Variants in CLEC2L observed in about 807,000 individuals in gnomAD.
CLEC2L encodes the protein C-type lectin domain family 2 member L, also known as C-type lectin domain family 2, member L.
In CLEC2L, 14 loss-of-function variants were observed where a neutral mutation model predicts 23.6. The ratio of observed to expected loss-of-function variants is 0.59; its 90% CI spans 0.39 to 0.93. The LOEUF (loss-of-function observed/expected upper bound fraction) is 0.93, where lower values mean the gene tolerates loss of function less well. Among genes scored for constraint, CLEC2L ranks in the 40% least tolerant of loss-of-function variants. The pLI, the probability that CLEC2L is intolerant of heterozygous loss-of-function variation, is 0.00. For missense variants in CLEC2L, 264 were observed against 282.4 expected, an observed-to-expected ratio of 0.93 and a Z score of 0.47; for synonymous variants, 114 against 121.3, an observed-to-expected ratio of 0.94 and a Z score of 0.40.
chr7:139,539,514 A>T lies in CLEC2L; in HGVS notation c.266-807A>T, dbSNP rs1797704883. The T allele has an allele frequency of 6.6e-6, 1 of 152,200 alleles. No individual in the cohort carries two copies. Among genetic ancestry groups the T allele is most frequent in the East Asian group, 1.9e-4 (1 of 5,194 alleles). 9.4% of individuals were successfully genotyped at this position (152,200 alleles called of 1,614,324 possible). A position where few individuals can be genotyped will look rare whatever the true frequency, so the allele number is the denominator to read the frequency against. On this transcript the variant is annotated intron_variant, in intron 2 of 4. Coordinates refer to ENST00000422142, the MANE Select transcript of CLEC2L (RefSeq NM_001080511.4). The surrounding 1 kb of genome is among the most constrained non-coding windows in gnomAD (Gnocchi z 4.1). ...ATCTGTTCGTGGAAGCAGTCTGCAG[A>T]CTGGAGATCCCATGACGACTGGAAG...
intron 4 of CLEC2L, among the ~76,000 whole-genome samples, chr7:139,543,668 A>G (rs986286321): frequency 1.3e-5 from 2 of 152,196 alleles, no homozygotes; most frequent in African/African-American, 4.8e-5. Context: ...CAGTTAGCCC[A>G]TATTGGGGTC....
At position 139,524,050 on chromosome 7, in the gene CLEC2L, C is replaced by G. The variant is rs1797469815; in HGVS notation, c.123C>G (p.Pro41=). 4.9e-6 allele frequency: 6 copies of G among 1,214,418 alleles called. No individual in the cohort carries two copies. The highest frequency in any genetic ancestry group is 3.3e-5 in the East Asian group (1 of 30,542). The allele number at this position is 1,214,418 out of a possible 1,614,324, so 75.2% of individuals were successfully genotyped here. A position where few individuals can be genotyped will look rare whatever the true frequency, so the allele number is the denominator to read the frequency against. Residue 41 remains proline (P), a synonymous_variant, in exon 1 of 5, where the codon CCC becomes CCG. Coordinates refer to ENST00000422142, the MANE Select transcript of CLEC2L (RefSeq NM_001080511.4). The part of the protein sequence containing the change: ...RSPAEAEARG[P]EGLLRRSGSG... The stretch of plus-strand genomic sequence containing the variant: ...CCGCAGAGGCTGAGGCCCGCGGCCC[C>G]GAGGGGCTGCTGCGGCGATCCGGGT...
Position 139,542,017 on chromosome 7 carries a change from G to A in CLEC2L, c.433-4G>A. On this transcript the variant is annotated splice_region_variant and splice_polypyrimidine_tract_variant and intron_variant, in intron 3 of 4. Transcript: ENST00000422142. The stretch of plus-strand genomic sequence containing the variant: ...CCTGAGGTGTCCCTTTTTCCTCGGT[G>A]CAGGAATTTATGTTCAAGTTCACGC... 6.2e-7 allele frequency: 1 copy of A among 1,606,532 alleles called. No homozygotes were observed. The highest frequency in any genetic ancestry group is 8.5e-7 in the Non-Finnish European group (1 of 1,175,886).
In CLEC2L at chr7:139,539,390, A is replaced by G. The variant is rs1797703462; in HGVS notation, c.266-931A>G. 6.6e-6 allele frequency: 1 copy of G among 152,202 alleles called. No individual in the cohort carries two copies. The highest frequency in any genetic ancestry group is 6.5e-5 in the Admixed American group (1 of 15,276). The allele number at this position is 152,202 out of a possible 1,614,324, so 9.4% of individuals were successfully genotyped here. On this transcript the variant is annotated intron_variant, in intron 2 of 4. Transcript: ENST00000422142. This position sits in a 1 kb window ranked among gnomAD's most constrained non-coding sequence, Gnocchi z 4.1. ...TGGCTTAGAATCAGATCATATGAAA[A>G]CAATCTAAGATTGTGGATTAATTCC...
chr7:139,534,598 A>G (rs961754153), intron 1 of CLEC2L: 3 of 707,350 alleles, frequency 4.2e-6, no homozygotes, highest in Non-Finnish European at 7.7e-6. Flanking sequence ...GGCTTGGAAC[A>G]CAGGTGAGTA....
Position 139,540,868 on chromosome 7 carries a change from A to C in CLEC2L, c.432+381A>C, listed in dbSNP as rs1797723769. Among the ~76,000 whole-genome samples the C allele has an allele frequency of 6.6e-6, 1 of 152,170 alleles. No homozygotes were observed. The highest frequency in any genetic ancestry group is 2.4e-5 in the African/African-American group (1 of 41,444). On this transcript the variant is annotated intron_variant, in intron 3 of 4. Coordinates refer to ENST00000422142, the MANE Select transcript of CLEC2L (RefSeq NM_001080511.4). This position sits in a 1 kb window ranked among gnomAD's most constrained non-coding sequence, Gnocchi z 5.8. The stretch of plus-strand genomic sequence containing the variant: ...CAGGAGTTGGGGGCTAGTCTGGGCA[A>C]CATAGTGAGACCCTAGCTCTACAAA...
In CLEC2L at chr7:139,544,378, C is replaced by A; in HGVS notation, c.*36C>A. The A allele has an allele frequency of 6.9e-7, 1 of 1,446,532 alleles. No homozygotes were observed. Among genetic ancestry groups the A allele is most frequent in the Non-Finnish European group, 9.6e-7 (1 of 1,041,494 alleles). 89.6% of individuals were successfully genotyped at this position (1,446,532 alleles called of 1,614,324 possible). A position where few individuals can be genotyped will look rare whatever the true frequency, so the allele number is the denominator to read the frequency against. On this transcript the variant is annotated 3_prime_UTR_variant, in exon 5 of 5. Transcript: ENST00000422142. Reference sequence around the variant, plus strand: ...GCCAGAGGTGGCCCCGCCCCTAGGCCTGTGGGAGGTGTCTGGTGTCTGCTC... The same window carrying A: ...GCCAGAGGTGGCCCCGCCCCTAGGCATGTGGGAGGTGTCTGGTGTCTGCTC...
chr7:139,539,078 G>A lies in CLEC2L; in HGVS notation c.266-1243G>A, dbSNP rs909537826. The A allele has an allele frequency of 3.3e-5, 5 of 152,310 alleles. No homozygotes were observed. The highest frequency in any genetic ancestry group is 2.1e-4 in the South Asian group (1 of 4,822). 9.4% of individuals were successfully genotyped at this position (152,310 alleles called of 1,614,324 possible). A position where few individuals can be genotyped will look rare whatever the true frequency, so the allele number is the denominator to read the frequency against. On this transcript the variant is annotated intron_variant, in intron 2 of 4. Coordinates refer to ENST00000422142, the MANE Select transcript of CLEC2L (RefSeq NM_001080511.4). This position sits in a 1 kb window ranked among gnomAD's most constrained non-coding sequence, Gnocchi z 4.1. ...GTGTCTGTGTGGCTGGAGATCCCCAGGGGCTTGAGTACCAGAGGCCTGTTC... is the reference window on the plus strand; with the variant it reads ...GTGTCTGTGTGGCTGGAGATCCCCAAGGGCTTGAGTACCAGAGGCCTGTTC...
intron 1 of CLEC2L, chr7:139,534,280 C>A: frequency 1.4e-6 from 2 of 1,470,106 alleles, no homozygotes. Context: ...TACCAAGAGG[C>A]CAGAAGGCAG....
Sources: gnomAD v4.1 joint callset for allele counts (sites outside exome capture counted in the v4.1 genomes callset) on GRCh38, gnomAD v4.1.1 for gene constraint, Gnocchi (gnomAD v3.1) non-coding constraint, MANE v1.5 for transcripts, NCBI Gene and HGNC (gene_info 2026-07-23, HGNC 2026-07-21) for gene names.